Variants in CTNNA3 observed in about 807,000 individuals in gnomAD.
CTNNA3 encodes catenin alpha 3.
A neutral mutation model predicts 95.7 loss-of-function variants in CTNNA3; 76 were observed. The ratio of observed to expected loss-of-function variants is 0.79; its 90% CI spans 0.66 to 0.96. The LOEUF (loss-of-function observed/expected upper bound fraction) is 0.96. Among genes scored for constraint, CTNNA3 ranks in the 40% least tolerant of loss-of-function variants. The pLI is 0.00. For missense variants in CTNNA3, 1,191 were observed against 1,089.8 expected (o/e 1.09, Z -1.31); for synonymous variants, 431 against 374.4 (o/e 1.15, Z -1.74).
At chr10:66,696,693 G>A (rs1037352671) in intron 9 of CTNNA3, among the ~76,000 whole-genome samples, 2 of 152,082 alleles carry the variant, frequency 1.3e-5, no homozygotes, top group African/African-American at 2.4e-5. Flanking sequence ...AACACTTTGG[G>A]AGGCCCAGGC....
chr10:67,747,468 G>A (rs186828737), intron 1 of CTNNA3, among the ~76,000 whole-genome samples: 285 of 152,176 alleles, frequency 1.9e-3, no homozygotes, highest in Middle Eastern at 3.4e-3. Context: ...GGTGCGAGAG[G>A]GACCCAGGTG....
intron 13 of CTNNA3, among the ~76,000 whole-genome samples, chr10:66,229,552 A>C (rs2089482162): frequency 6.6e-6 from 1 of 151,670 alleles, no homozygotes; most frequent in South Asian, 2.1e-4. Flanking sequence ...ATATCATCCT[A>C]TTCTCTCTTG....
intron 11 of CTNNA3, among the ~76,000 whole-genome samples, chr10:66,498,635 A>G (rs1840177122): frequency 6.6e-6 from 1 of 152,178 alleles, no homozygotes; most frequent in South Asian, 2.1e-4. Flanking sequence ...ACATTAGGTA[A>G]TAAAGATCTT....
chr10:67,239,716 G>A (rs1015077299), intron 5 of CTNNA3, among the ~76,000 whole-genome samples: 7 of 152,114 alleles, frequency 4.6e-5, no homozygotes, highest in Non-Finnish European at 1.0e-4. Context: ...TACAGTGTGA[G>A]CCTTCTTTTG....
At chr10:66,506,564 G>A (rs1840457755) in intron 11 of CTNNA3, among the ~76,000 whole-genome samples, 1 of 152,056 alleles carries the variant, frequency 6.6e-6, no homozygotes, top group Non-Finnish European at 1.5e-5. Context: ...AGCATTAATT[G>A]TAAAAGATTT....
chr10:67,726,264 C>A, intron 1 of CTNNA3, among the ~76,000 whole-genome samples: 1 of 76,668 alleles, frequency 1.3e-5, no homozygotes, highest in Non-Finnish European at 2.1e-5. Context: ...TATTGTATTA[C>A]ATATTATATA....
At chr10:67,377,078 G>A (rs1023685587) in intron 5 of CTNNA3, among the ~76,000 whole-genome samples, 5 of 152,132 alleles carry the variant, frequency 3.3e-5, no homozygotes, top group Non-Finnish European at 5.9e-5. Context: ...CTTCCTCTAG[G>A]GATGAATATA....
chr10:66,541,121 A>G (rs1461071480), intron 10 of CTNNA3, among the ~76,000 whole-genome samples: 1 of 152,124 alleles, frequency 6.6e-6, no homozygotes, highest in African/African-American at 2.4e-5. Context: ...GGTGATTTCA[A>G]TGGAGAATCT....
intron 13 of CTNNA3, among the ~76,000 whole-genome samples, chr10:66,195,615 G>C (rs1309038380): frequency 6.6e-6 from 1 of 152,152 alleles, no homozygotes; most frequent in Non-Finnish European, 1.5e-5. Context: ...CCACATGAGA[G>C]AGCAAACTTG....
At chr10:66,342,498 T>C (rs2092464069) in intron 12 of CTNNA3, among the ~76,000 whole-genome samples, 1 of 152,038 alleles carries the variant, frequency 6.6e-6, no homozygotes. Context: ...AGAGAAAACA[T>C]TCTTTGTATG....
Position 67,018,249 on chromosome 10 carries a change from CAT to C in CTNNA3, c.1047+162066_1047+162067del, listed in dbSNP as rs1852782818. ...TTTACTTAAAATGAGAGCATAAAGG[CAT>C]ATGAGGCCAACTACAGCAAATGTCT... On this transcript the variant is annotated intron_variant, in intron 7 of 17. Transcript: ENST00000433211. 9.9e-5 allele frequency among the ~76,000 whole-genome samples: 15 copies of C among 152,192 alleles called. No homozygotes were observed. In the South Asian group the frequency reaches 3.1e-3, roughly 32 times the overall value.
At chr10:66,764,382 T>C (rs1360161986) in intron 9 of CTNNA3, among the ~76,000 whole-genome samples, 1 of 152,170 alleles carries the variant, frequency 6.6e-6, no homozygotes, top group Non-Finnish European at 1.5e-5. Flanking sequence ...TAATGTGCCA[T>C]GAAAGAAAGA....
chr10:66,387,219 GAATCT>G (rs1310090914), intron 11 of CTNNA3, among the ~76,000 whole-genome samples: 3 of 151,866 alleles, frequency 2.0e-5, no homozygotes, highest in Admixed American at 2.0e-4. Flanking sequence ...CTAATATCCA[GAATCT>G]ACAAAGAACT....
intron 11 of CTNNA3, among the ~76,000 whole-genome samples, chr10:66,504,770 ACTCT>A (rs1174606056): frequency 7.9e-5 from 12 of 152,022 alleles, no homozygotes; most frequent in Admixed American, 5.2e-4. Context: ...ACTTCCTTTG[ACTCT>A]CTATTGCTTT....
At chr10:67,728,454 G>A (rs964928846) in intron 1 of CTNNA3, among the ~76,000 whole-genome samples, 1 of 148,362 alleles carries the variant, frequency 6.7e-6, no homozygotes, top group Non-Finnish European at 1.5e-5. Flanking sequence ...ATATATTATA[G>A]AGATATACAT....
intron 5 of CTNNA3, among the ~76,000 whole-genome samples, chr10:67,438,673 G>T (rs1445718121): frequency 6.6e-6 from 1 of 152,100 alleles, no homozygotes; most frequent in East Asian, 1.9e-4. Flanking sequence ...TGAATTGCTG[G>T]TGCCACCCCT....
intron 9 of CTNNA3, among the ~76,000 whole-genome samples, chr10:66,702,754 A>AGTAGTG (rs923732752): frequency 7.2e-6 from 1 of 138,860 alleles, no homozygotes; most frequent in African/African-American, 2.6e-5. Flanking sequence ...TAGTAGTAGT[A>AGTAGTG]GTAGTAGTAG....
intron 9 of CTNNA3, among the ~76,000 whole-genome samples, chr10:66,631,468 T>G (rs530987137): frequency 1.6e-4 from 25 of 152,294 alleles, no homozygotes; most frequent in African/African-American, 5.8e-4. Flanking sequence ...AAATGACTCA[T>G]GACTGAGAGA....
At chr10:67,230,930 T>C (rs1865167184) in intron 5 of CTNNA3, among the ~76,000 whole-genome samples, 4 of 152,080 alleles carry the variant, frequency 2.6e-5, no homozygotes. Flanking sequence ...ACCTGGAAGA[T>C]CGGGTCACTC....
Sources: gnomAD v4.1 joint callset for allele counts (sites outside exome capture counted in the v4.1 genomes callset) on GRCh38, gnomAD v4.1.1 for gene constraint, MANE v1.5 for transcripts, NCBI Gene and HGNC (gene_info 2026-07-23, HGNC 2026-07-21) for gene names.